RIMS2: variants seen among roughly 807,000 people sequenced by gnomAD.
RIMS2 encodes regulating synaptic membrane exocytosis 2.
A neutral mutation model predicts 174.4 loss-of-function variants in RIMS2; 59 were observed. The observed-to-expected ratio is 0.34, with a 90% CI of 0.27 to 0.42. RIMS2 has a LOEUF of 0.42. Among genes scored for constraint, RIMS2 ranks in the 10% least tolerant of loss-of-function variants. The pLI is 1.00. For missense variants in RIMS2, 1,620 were observed against 1,666.3 expected, an observed-to-expected ratio of 0.97 and a Z score of 0.48; for synonymous variants, 606 against 572.5, an observed-to-expected ratio of 1.06 and a Z score of -0.84.
intron 12 of RIMS2, among the ~76,000 whole-genome samples, chr8:103,933,484 A>G (rs2080491625): frequency 6.6e-6 from 1 of 152,172 alleles, no homozygotes; most frequent in African/African-American, 2.4e-5. Context: ...GCAAGAATCC[A>G]TCTCAAATAA....
intron 2 of RIMS2, among the ~76,000 whole-genome samples, chr8:103,740,419 G>A (rs780743986): frequency 6.6e-6 from 1 of 152,134 alleles, no homozygotes; most frequent in South Asian, 2.1e-4. Flanking sequence ...GGCTTATAGG[G>A]CTTCTTGTAG....
intron 19 of RIMS2, among the ~76,000 whole-genome samples, chr8:104,239,553 A>G (rs2099275922): frequency 1.3e-5 from 2 of 152,266 alleles, no homozygotes; most frequent in East Asian, 1.9e-4. Context: ...TTATGTATGC[A>G]TGTGTATGTT....
chr8:103,738,672 A>C (rs2097718999), intron 2 of RIMS2, among the ~76,000 whole-genome samples: 1 of 152,230 alleles, frequency 6.6e-6, no homozygotes, highest in Non-Finnish European at 1.5e-5. Context: ...CAAAGAACTC[A>C]AACAAATTTA....
intron 1 of RIMS2, among the ~76,000 whole-genome samples, chr8:103,573,913 G>A (rs890378149): frequency 6.6e-6 from 1 of 152,016 alleles, no homozygotes; most frequent in Non-Finnish European, 1.5e-5. Context: ...TCCTTATAGA[G>A]ATCTTTCACC....
chr8:103,750,735 G>A (rs60552383), intron 2 of RIMS2, among the ~76,000 whole-genome samples: 7,327 of 152,110 alleles, frequency 0.048, 608 homozygotes, highest in African/African-American at 0.17. Flanking sequence ...TCCCCTGCTG[G>A]CACTCATTCT....
At chr8:103,896,998 G>A (rs980823844) in intron 4 of RIMS2, among the ~76,000 whole-genome samples, 4 of 151,644 alleles carry the variant, frequency 2.6e-5, no homozygotes, top group African/African-American at 9.7e-5. Context: ...GGGAGACATG[G>A]TTTGTTCAAG....
At chr8:103,886,548 C>T (rs2099202978) in intron 4 of RIMS2, among the ~76,000 whole-genome samples, 1 of 151,656 alleles carries the variant, frequency 6.6e-6, no homozygotes, top group Non-Finnish European at 1.5e-5. Context: ...TTTTTTGTCT[C>T]CTTATAAAAG....
chr8:104,223,413 G>C, intron 19 of RIMS2: 1 of 1,272,660 alleles, frequency 7.9e-7, no homozygotes, highest in Non-Finnish European at 9.9e-7. Context: ...CAGCCGCTCC[G>C]CCCGCCACCG....
chr8:103,853,476 G>A (rs960900663), intron 3 of RIMS2, among the ~76,000 whole-genome samples: 3 of 151,936 alleles, frequency 2.0e-5, no homozygotes, highest in African/African-American at 4.8e-5. Context: ...AGTTGACAAG[G>A]GTATTTTCTA....
At chr8:103,823,504 T>G (rs1339746330) in intron 3 of RIMS2, among the ~76,000 whole-genome samples, 3 of 151,956 alleles carry the variant, frequency 2.0e-5, no homozygotes, top group Admixed American at 6.6e-5. Flanking sequence ...AAAGCTTAAA[T>G]TCACTTAGTT....
chr8:104,037,765 T>C (rs2096544530), intron 19 of RIMS2, among the ~76,000 whole-genome samples: 1 of 152,196 alleles, frequency 6.6e-6, no homozygotes, highest in Non-Finnish European at 1.5e-5. Flanking sequence ...TTACCAAATA[T>C]GCTTGATGAA....
chr8:103,621,348 A>G (rs2095630554), intron 1 of RIMS2, among the ~76,000 whole-genome samples: 4 of 152,146 alleles, frequency 2.6e-5, no homozygotes, highest in Admixed American at 2.6e-4. Context: ...CACATTCTGT[A>G]TTTGTCCCGA....
At chr8:103,792,242 A>G (rs557429502) in intron 3 of RIMS2, among the ~76,000 whole-genome samples, 6 of 152,210 alleles carry the variant, frequency 3.9e-5, no homozygotes, top group Non-Finnish European at 8.8e-5. Flanking sequence ...CAGTGCAATC[A>G]AATTAGGACT....
intron 1 of RIMS2, among the ~76,000 whole-genome samples, chr8:103,567,625 T>G (rs772162248): frequency 2.6e-5 from 4 of 152,216 alleles, no homozygotes; most frequent in Non-Finnish European, 5.9e-5. Flanking sequence ...CTGTGAACAT[T>G]TATGTACAAG....
chr8:103,855,615 C>G (rs140483179), intron 3 of RIMS2, among the ~76,000 whole-genome samples: 8 of 151,988 alleles, frequency 5.3e-5, no homozygotes, highest in African/African-American at 1.9e-4. Flanking sequence ...TCAGTGTTTA[C>G]CTATGAGTTA....
At chr8:104,161,460 A>G (rs1392646162) in intron 19 of RIMS2, among the ~76,000 whole-genome samples, 1 of 152,202 alleles carries the variant, frequency 6.6e-6, no homozygotes, top group Non-Finnish European at 1.5e-5. Flanking sequence ...TGAAGGAGTT[A>G]GAAACCTAGG....
intron 1 of RIMS2, among the ~76,000 whole-genome samples, chr8:103,525,518 T>C (rs1286457954): frequency 6.6e-6 from 1 of 152,202 alleles, no homozygotes; most frequent in Non-Finnish European, 1.5e-5. Context: ...CCGGCCTAGC[T>C]TGGGTTAGTT....
chr8:103,697,353 C>T, intron 2 of RIMS2, 57 bp downstream of exon 4: 1 of 1,274,914 alleles, frequency 7.8e-7, no homozygotes, highest in Non-Finnish European at 1.1e-6. Context: ...TTTATCTATT[C>T]ACGTTAGAGA....
chr8:103,882,949 A>G (rs1168046130), intron 3 of RIMS2, among the ~76,000 whole-genome samples: 2 of 151,624 alleles, frequency 1.3e-5, no homozygotes, highest in Non-Finnish European at 3.0e-5. Flanking sequence ...TCTATCCTAA[A>G]ATACTCAGTT....
Sources: gnomAD v4.1 joint callset for allele counts (sites outside exome capture counted in the v4.1 genomes callset) on GRCh38, gnomAD v4.1.1 for gene constraint, MANE v1.5 for transcripts, NCBI Gene and HGNC (gene_info 2026-07-23, HGNC 2026-07-21) for gene names.